Variants in DGKD observed in about 807,000 individuals in gnomAD.
DGKD encodes the protein DAG kinase delta.
DGKD carries 68 observed loss-of-function variants against 154.4 expected under a neutral mutation model. That is an observed-to-expected ratio of 0.44 (90% CI 0.36 to 0.54). The LOEUF (loss-of-function observed/expected upper bound fraction) is 0.54. Ranked by LOEUF, DGKD falls within the 20% of genes least tolerant of loss-of-function variation. The pLI is 0.00. For synonymous variants in DGKD, 693 were observed against 638.0 expected (o/e 1.09, Z -1.30); for missense variants, 1,343 against 1,593.6 (o/e 0.84, Z 2.68).
intron 24 of DGKD, among the ~76,000 whole-genome samples, chr2:233,460,701 T>C (rs761926292): frequency 1.4e-4 from 21 of 152,102 alleles, no homozygotes; most frequent in African/African-American, 2.9e-4. Context: ...CCATTCTGGC[T>C]AACATGGTGA....
At chr2:233,392,982 AG>A (rs1350633102) in intron 3 of DGKD, among the ~76,000 whole-genome samples, 1 of 152,206 alleles carries the variant, frequency 6.6e-6, no homozygotes, top group Non-Finnish European at 1.5e-5. Context: ...AAAGAGAACT[AG>A]TTCTTAGATT....
chr2:233,461,969 C>T (rs751003981), intron 24 of DGKD, among the ~76,000 whole-genome samples: 1 of 152,204 alleles, frequency 6.6e-6, no homozygotes, highest in Non-Finnish European at 1.5e-5. Context: ...AGGGACAGAC[C>T]GGCCAGTTAC....
At chr2:233,387,631 G>C (rs1703270736) in intron 1 of DGKD, among the ~76,000 whole-genome samples, 1 of 152,210 alleles carries the variant, frequency 6.6e-6, no homozygotes, top group African/African-American at 2.4e-5. Context: ...TCTCGTAAGA[G>C]AACGTCTTGT....
chr2:233,451,233 C>T (rs567195697), intron 17 of DGKD, among the ~76,000 whole-genome samples, 183 bp downstream of exon 17: 2 of 142,792 alleles, frequency 1.4e-5, no homozygotes, highest in Non-Finnish European at 3.1e-5. Flanking sequence ...AAACAAAAAA[C>T]AAAAAACAAA....
intron 3 of DGKD, among the ~76,000 whole-genome samples, chr2:233,402,893 G>C (rs1203650758): frequency 1.3e-5 from 2 of 152,310 alleles, no homozygotes; most frequent in African/African-American, 4.8e-5. Flanking sequence ...GTACGGGGTA[G>C]GTAAGTGTGT....
rs2061435118 is a variant in DGKD at position 233,397,350 on chromosome 2, G to A, written c.348+6867G>A. On this transcript the variant is annotated intron_variant, in intron 3 of 29. Coordinates refer to ENST00000264057, the MANE Select transcript of DGKD (RefSeq NM_152879.3). The stretch of plus-strand genomic sequence containing the variant: ...CACCAGAGGGGACCAGGGTGGCTGA[G>A]GGGGGCAGCAGAGTGAGAGGACTCC... Among the ~76,000 whole-genome samples the A allele has an allele frequency of 1.6e-5, 2 of 123,310 alleles. 1 individual carries two copies. The highest frequency in any genetic ancestry group is 1.6e-4 in the Admixed American group (2 of 12,438). The allele number at this position is 123,310 out of a possible 152,430, so 80.9% of individuals were successfully genotyped here.
In DGKD at chr2:233,410,837, C is replaced by T. The variant is rs1033194939; in HGVS notation, c.348+20354C>T. On this transcript the variant is annotated intron_variant, in intron 3 of 29. Transcript: ENST00000264057. Reference sequence around the variant, plus strand: ...GAAGCTGTCACCATAGTCAGGATAACATTTCCATCACCCTGAGAATTTCCT... The same window carrying T: ...GAAGCTGTCACCATAGTCAGGATAATATTTCCATCACCCTGAGAATTTCCT... 2.4e-5 allele frequency among the ~76,000 whole-genome samples: 3 copies of T among 126,484 alleles called. 1 individual carries two copies. Among genetic ancestry groups the T allele is most frequent in the Non-Finnish European group, 5.2e-5 (3 of 57,964 alleles). The allele number at this position is 126,484 out of a possible 152,430, so 83.0% of individuals were successfully genotyped here. A position where few individuals can be genotyped will look rare whatever the true frequency, so the allele number is the denominator to read the frequency against.
intron 27 of DGKD, among the ~76,000 whole-genome samples, chr2:233,464,739 G>A (rs2063774982): frequency 6.6e-6 from 1 of 152,242 alleles, no homozygotes; most frequent in Non-Finnish European, 1.5e-5. Context: ...GGTCTGGGAG[G>A]GACCCGAGGA....
intron 1 of DGKD, among the ~76,000 whole-genome samples, chr2:233,386,629 C>T (rs576983213): frequency 3.7e-4 from 56 of 152,110 alleles, no homozygotes; most frequent in African/African-American, 1.3e-3. Flanking sequence ...TGTTGGGCTC[C>T]TCTCTTTTTC....
At chr2:233,456,841 C>A in intron 19 of DGKD, 58 bp from the exon 20 acceptor site, 1 of 1,331,556 alleles carries the variant, frequency 7.5e-7, no homozygotes, top group Non-Finnish European at 1.1e-6. Context: ...AGAAATGACT[C>A]TGGTTAACTA....
chr2:233,379,749 C>CAGG (rs1702786634), intron 1 of DGKD: 1 of 152,076 alleles, frequency 6.6e-6, no homozygotes, highest in African/African-American at 2.4e-5. Flanking sequence ...TTCCAAGGCT[C>CAGG]AGGAGGTTGG....
At chr2:233,451,272 A>G (rs557205126) in intron 17 of DGKD, among the ~76,000 whole-genome samples, 2 of 151,104 alleles carry the variant, frequency 1.3e-5, no homozygotes. Context: ...TAACCACCCA[A>G]GGAGCCCAGG....
chr2:233,375,347 G>A (rs1006944905), intron 1 of DGKD, among the ~76,000 whole-genome samples: 3 of 151,852 alleles, frequency 2.0e-5, no homozygotes, highest in African/African-American at 4.8e-5. Context: ...ATGTTATCTC[G>A]GCATGTGAAT....
intron 10 of DGKD, among the ~76,000 whole-genome samples, chr2:233,444,177 T>G (rs773758703): frequency 2.0e-5 from 3 of 152,172 alleles, no homozygotes; most frequent in Non-Finnish European, 4.4e-5. Context: ...GCCCCCACCC[T>G]GCGTTCCTTT....
At chr2:233,376,954 T>TTTA (rs1357094662) in intron 1 of DGKD, among the ~76,000 whole-genome samples, 2 of 152,222 alleles carry the variant, frequency 1.3e-5, no homozygotes, top group East Asian at 3.9e-4. Flanking sequence ...CTTAACCATT[T>TTTA]TTATTATTAT....
At chr2:233,372,854 TG>T (rs1397380536) in intron 1 of DGKD, among the ~76,000 whole-genome samples, 1 of 152,206 alleles carries the variant, frequency 6.6e-6, no homozygotes, top group African/African-American at 2.4e-5. Context: ...ATTCTAACAC[TG>T]GGACTCTATC....
chr2:233,407,618 T>G (rs1362411810), intron 3 of DGKD, among the ~76,000 whole-genome samples: 1 of 152,000 alleles, frequency 6.6e-6, no homozygotes, highest in East Asian at 1.9e-4. Flanking sequence ...ATAAAAAAAA[T>G]TATCCAGGTA....
At chr2:233,396,453 G>A (rs945724271) in intron 3 of DGKD, among the ~76,000 whole-genome samples, 13 of 63,286 alleles carry the variant, frequency 2.1e-4, no homozygotes, top group Admixed American at 7.1e-4. Flanking sequence ...TGAGTGCGGT[G>A]GGTAGAAATG....
intron 2 of DGKD, among the ~76,000 whole-genome samples, chr2:233,389,538 C>T (rs573110901): frequency 6.6e-6 from 1 of 150,428 alleles, no homozygotes; most frequent in African/African-American, 2.5e-5. Context: ...AACAAAGCAG[C>T]TTGTTTAGAA....
Sources: allele counts gnomAD v4.1 joint callset (sites outside exome capture counted in the v4.1 genomes callset), GRCh38; gene constraint gnomAD v4.1.1; transcripts MANE v1.5; gene names NCBI Gene and HGNC (gene_info 2026-07-23, HGNC 2026-07-21).